UBE2H: variants seen among roughly 807,000 people sequenced by gnomAD.
UBE2H encodes ubiquitin conjugating enzyme E2 H.
UBE2H carries 3 observed loss-of-function variants against 29.0 expected under a neutral mutation model. The ratio of observed to expected loss-of-function variants is 0.10; its 90% confidence interval spans 0.05 to 0.27. The LOEUF is 0.27. Among genes scored for constraint, UBE2H ranks in the 10% least tolerant of loss-of-function variants. UBE2H has a pLI of 1.00. For synonymous variants in UBE2H, 69 were observed against 82.9 expected, an observed-to-expected ratio of 0.83 and a Z score of 0.91; for missense variants, 68 against 228.2, an observed-to-expected ratio of 0.30 and a Z score of 4.52.
intron 3 of UBE2H, among the ~76,000 whole-genome samples, chr7:129,869,379 T>TC (rs1270483059): frequency 2.0e-5 from 3 of 151,940 alleles, no homozygotes; most frequent in African/African-American, 7.3e-5. Flanking sequence ...ATCCTACCAA[T>TC]CCCCTGTCCT....
intron 1 of UBE2H, among the ~76,000 whole-genome samples, chr7:129,935,539 A>G (rs1435365791): frequency 6.6e-6 from 1 of 152,224 alleles, no homozygotes; most frequent in Non-Finnish European, 1.5e-5. Flanking sequence ...GCACTTTTAC[A>G]GCACTTATTC....
At chr7:129,873,902 C>A (rs907000324) in intron 3 of UBE2H, among the ~76,000 whole-genome samples, 3 of 152,192 alleles carry the variant, frequency 2.0e-5, no homozygotes, top group Non-Finnish European at 4.4e-5. Flanking sequence ...GCAATGCATA[C>A]AGCCTGCTCC....
At chr7:129,887,330 TCCTGCCTCAGTCTCCC>T (rs1159602611) in intron 1 of UBE2H, among the ~76,000 whole-genome samples, 1 of 150,430 alleles carries the variant, frequency 6.6e-6, no homozygotes, top group East Asian at 2.0e-4. Context: ...CAAGCGATTC[TCCTGCCTCAGTCTCCC>T]GAGTAGCTGG....
intron 5 of UBE2H, among the ~76,000 whole-genome samples, chr7:129,856,255 G>A (rs150234367): frequency 5.3e-5 from 8 of 152,136 alleles, no homozygotes; most frequent in African/African-American, 9.7e-5. Flanking sequence ...CTAAAAGGTC[G>A]TACAAGTTCA....
At chr7:129,912,275 T>C (rs992696965) in intron 1 of UBE2H, among the ~76,000 whole-genome samples, 4 of 152,244 alleles carry the variant, frequency 2.6e-5, no homozygotes, top group African/African-American at 9.6e-5. Context: ...ACAGGCTGAG[T>C]ATTCTTTATC....
intron 1 of UBE2H, among the ~76,000 whole-genome samples, chr7:129,911,743 T>C (rs1806942292): frequency 6.6e-6 from 1 of 152,124 alleles, no homozygotes; most frequent in Non-Finnish European, 1.5e-5. Context: ...GTTCAAGTGA[T>C]CCTCCTGCCT....
intron 3 of UBE2H, among the ~76,000 whole-genome samples, chr7:129,876,331 A>T (rs1806143965): frequency 6.6e-6 from 1 of 152,180 alleles, no homozygotes; most frequent in Non-Finnish European, 1.5e-5. Context: ...CCACTGACCA[A>T]TCACACTCTC....
In UBE2H at chr7:129,869,333, T is replaced by C. The variant is rs539503631; in HGVS notation, c.205+10235A>G. 2.6e-5 allele frequency among the ~76,000 whole-genome samples: 4 copies of C among 152,170 alleles called. No homozygotes were observed. The South Asian group carries it at 8.3e-4, about 32-fold the overall frequency. The stretch of plus-strand genomic sequence containing the variant: ...CTTTGTCATTCCCTCCACAATTACA[T>C]ATTTACCTCCACAATCACAAATTTA... On this transcript the variant is annotated intron_variant, in intron 3 of 6. Transcript: ENST00000355621.
chr7:129,929,246 G>C (rs1461281716), intron 1 of UBE2H, among the ~76,000 whole-genome samples: 1 of 151,696 alleles, frequency 6.6e-6, no homozygotes, highest in Non-Finnish European at 1.5e-5. Context: ...GAATCCAGGA[G>C]GCAGAGGTTG....
At chr7:129,923,998 A>C (rs535743574) in intron 1 of UBE2H, among the ~76,000 whole-genome samples, 1 of 152,362 alleles carries the variant, frequency 6.6e-6, no homozygotes, top group African/African-American at 2.4e-5. Flanking sequence ...AGAGTAGGCC[A>C]AAGTCTGACC....
At position 129,936,277 on chromosome 7, in the gene UBE2H, A is replaced by G. The variant is rs530169352; in HGVS notation, c.53+16226T>C. ...CCAATTTAAAAGCACACAAGTCACA[A>G]ACTGATTTCTGATTCTACAAAAAAT... On this transcript the variant is annotated intron_variant, in intron 1 of 6. Coordinates refer to ENST00000355621, the MANE Select transcript of UBE2H (RefSeq NM_003344.4). Among the ~76,000 whole-genome samples, 4 of 152,310 alleles carry G rather than the reference A, an allele frequency of 2.6e-5. No individual in the cohort carries two copies. The East Asian group carries it at 7.7e-4, about 29-fold the overall frequency.
chr7:129,938,791 GTTTTTTTGT>G (rs530220151), intron 1 of UBE2H, among the ~76,000 whole-genome samples: 81 of 150,942 alleles, frequency 5.4e-4, no homozygotes, highest in African/African-American at 1.6e-3. Flanking sequence ...TGATGTTTTT[GTTTTTTTGT>G]TTTTTTTGTT....
At chr7:129,894,780 C>A (rs943142782) in intron 1 of UBE2H, among the ~76,000 whole-genome samples, 1 of 151,972 alleles carries the variant, frequency 6.6e-6, no homozygotes, top group Non-Finnish European at 1.5e-5. Flanking sequence ...TGAGCCACCG[C>A]GCCCGGCCCA....
In UBE2H at chr7:129,833,566, T is replaced by G. The variant is rs772525187; in HGVS notation, c.*1371A>C. The G allele has an allele frequency of 2.6e-5, 4 of 152,176 alleles. No individual in the cohort carries two copies. Among genetic ancestry groups the G allele is most frequent in the Non-Finnish European group, 5.9e-5 (4 of 68,044 alleles). The allele number at this position is 152,176 out of a possible 1,614,324, so 9.4% of individuals were successfully genotyped here. A position where few individuals can be genotyped will look rare whatever the true frequency, so the allele number is the denominator to read the frequency against. On this transcript the variant is annotated 3_prime_UTR_variant, in exon 7 of 7. Transcript: ENST00000355621. ...AGTCGACATTTGATTAGCAGGCATT[T>G]TAAACTGATTTCCTCTTAACATACG...
At chr7:129,856,983 GC>G (rs1179772435) in intron 5 of UBE2H, 2 of 152,540 alleles carry the variant, frequency 1.3e-5, no homozygotes, top group Admixed American at 6.5e-5. Flanking sequence ...ATAGCATTTT[GC>G]AGAGCTGGGC....
chr7:129,885,778 G>C (rs1197990179), intron 1 of UBE2H, among the ~76,000 whole-genome samples: 1 of 152,162 alleles, frequency 6.6e-6, no homozygotes, highest in Non-Finnish European at 1.5e-5. Flanking sequence ...GGCACTAAAT[G>C]AGATAGAAAA....
intron 1 of UBE2H, among the ~76,000 whole-genome samples, chr7:129,919,623 C>A (rs1019464184): frequency 1.3e-5 from 2 of 152,200 alleles, no homozygotes; most frequent in Non-Finnish European, 1.5e-5. Context: ...GGTCAAACTT[C>A]ATCTCTTGGA....
chr7:129,882,221 G>A lies in UBE2H; in HGVS notation c.54-1250C>T, dbSNP rs557764289. Among the ~76,000 whole-genome samples, 84 of 152,198 alleles carry A rather than the reference G, an allele frequency of 5.5e-4. 1 individual carries two copies. The highest frequency in any genetic ancestry group is 4.2e-4 in the South Asian group (2 of 4,816). On this transcript the variant is annotated intron_variant, in intron 1 of 6. Transcript: ENST00000355621. The stretch of plus-strand genomic sequence containing the variant: ...AATCTGTTCTATGTATCTGCTTTGC[G>A]GTAAAATCCAAAAATGATTCTCAGT...
chr7:129,858,843 G>GA, intron 4 of UBE2H, 59 bp downstream of exon 4: 1 of 1,503,762 alleles, frequency 6.6e-7, no homozygotes, highest in South Asian at 1.1e-5. Context: ...ATAACACAGA[G>GA]AAACACTAAT....
Sources: gnomAD v4.1 joint callset for allele counts (sites outside exome capture counted in the v4.1 genomes callset) on GRCh38, gnomAD v4.1.1 for gene constraint, MANE v1.5 for transcripts, NCBI Gene and HGNC (gene_info 2026-07-23, HGNC 2026-07-21) for gene names.